HECW1: variants seen among roughly 807,000 people sequenced by gnomAD.
HECW1 encodes the protein E3 ubiquitin-protein ligase HECW1.
Under a neutral mutation model 182.3 loss-of-function variants are expected in HECW1, and 61 were observed. The ratio of observed to expected loss-of-function variants is 0.33; its 90% confidence interval spans 0.27 to 0.41. The LOEUF is 0.41. HECW1 is among the 10% of genes least tolerant of loss of function. The pLI, the probability that HECW1 is intolerant of heterozygous loss-of-function variation, is 1.00. For missense variants in HECW1, 1,739 were observed against 2,108.9 expected, an observed-to-expected ratio of 0.82 and a Z score of 3.44; for synonymous variants, 859 against 832.6, an observed-to-expected ratio of 1.03 and a Z score of -0.55.
chr7:43,113,804 C>T (rs1784833072), intron 1 of HECW1: 2 of 231,222 alleles, frequency 8.6e-6, no homozygotes, highest in Admixed American at 1.1e-4. Flanking sequence ...GGCTCCAGGG[C>T]ATTCTGATTG....
chr7:43,527,481 G>A (rs1010894028), intron 24 of HECW1, among the ~76,000 whole-genome samples: 3 of 152,040 alleles, frequency 2.0e-5, no homozygotes, highest in East Asian at 1.9e-4. Flanking sequence ...CCTTCTCATC[G>A]GTTCCTGTGT....
chr7:43,302,916 A>C (rs1807022366), intron 3 of HECW1, among the ~76,000 whole-genome samples: 1 of 150,950 alleles, frequency 6.6e-6, no homozygotes, highest in African/African-American at 2.4e-5. Context: ...TCTTACACAC[A>C]CACCACACAC....
intron 3 of HECW1, among the ~76,000 whole-genome samples, chr7:43,284,147 G>A (rs1225257071): frequency 1.3e-5 from 2 of 152,202 alleles, no homozygotes; most frequent in Non-Finnish European, 2.9e-5. Flanking sequence ...TCTGCAGGCT[G>A]CCTAGTGACA....
chr7:43,273,857 CTT>C (rs60032315), intron 3 of HECW1, among the ~76,000 whole-genome samples: 19 of 141,340 alleles, frequency 1.3e-4, no homozygotes, highest in South Asian at 2.2e-4. Context: ...AAATATGATT[CTT>C]TTTTTTTTTT....
intron 7 of HECW1, among the ~76,000 whole-genome samples, chr7:43,401,900 C>T (rs1681327588): frequency 6.6e-6 from 1 of 151,692 alleles, no homozygotes; most frequent in African/African-American, 2.4e-5. Flanking sequence ...ATCCCAGGCT[C>T]CACAAGCAGA....
intron 16 of HECW1, among the ~76,000 whole-genome samples, chr7:43,470,987 C>T (rs764668709): frequency 1.4e-4 from 21 of 152,302 alleles, no homozygotes; most frequent in Non-Finnish European, 2.8e-4. Flanking sequence ...GCAAGTCACT[C>T]CACATTTCTG....
chr7:43,294,402 T>C lies in HECW1; in HGVS notation c.28-17361T>C, dbSNP rs962021044. Among the ~76,000 whole-genome samples the C allele has an allele frequency of 3.9e-5, 6 of 152,056 alleles. 1 individual carries two copies. Among genetic ancestry groups the C allele is most frequent in the Admixed American group, 3.3e-4 (5 of 15,266 alleles). ...GGGAGGATGAGAGAGGGAGGGTGTT[T>C]CTAAGATAGCATTTTCTTGGCAGAG... is the stretch of plus-strand genomic sequence containing the variant. On this transcript the variant is annotated intron_variant, in intron 3 of 29. Coordinates refer to ENST00000395891, the MANE Select transcript of HECW1 (RefSeq NM_015052.5).
intron 8 of HECW1, among the ~76,000 whole-genome samples, chr7:43,429,508 C>T (rs1400229379): frequency 6.6e-6 from 1 of 151,586 alleles, no homozygotes; most frequent in Non-Finnish European, 1.5e-5. Context: ...ACATTGCTAG[C>T]GAGAAGGGGG....
In HECW1 at chr7:43,444,118, G is replaced by A; in HGVS notation, c.1046-100G>A. The stretch of plus-strand genomic sequence containing the variant: ...ATCAACCTACATTCAATATCCTAAT[G>A]TAGAAATCCCTTAGTGATGGCTTAC... On this transcript the variant is annotated intron_variant, in intron 10 of 29. Coordinates refer to ENST00000395891, the MANE Select transcript of HECW1 (RefSeq NM_015052.5). The surrounding 1 kb of genome is among the most constrained non-coding windows in gnomAD (Gnocchi z 4.3). 1 of 1,222,158 alleles carries A rather than the reference G, an allele frequency of 8.2e-7. No individual in the cohort carries two copies. Among genetic ancestry groups the A allele is most frequent in the Non-Finnish European group, 1.1e-6 (1 of 880,864 alleles). 75.7% of individuals were successfully genotyped at this position (1,222,158 alleles called of 1,614,324 possible). A position where few individuals can be genotyped will look rare whatever the true frequency, so the allele number is the denominator to read the frequency against.
At chr7:43,271,608 A>T (rs911764776) in intron 3 of HECW1, among the ~76,000 whole-genome samples, 2 of 152,198 alleles carry the variant, frequency 1.3e-5, no homozygotes, top group African/African-American at 4.8e-5. Flanking sequence ...ACAATAGATT[A>T]AAAAATTGAG....
intron 11 of HECW1, among the ~76,000 whole-genome samples, chr7:43,450,521 T>C (rs1432524025): frequency 6.6e-6 from 1 of 152,210 alleles, no homozygotes; most frequent in Non-Finnish European, 1.5e-5. Flanking sequence ...TTTTCTCTTG[T>C]GTTCCTTTCT....
chr7:43,452,303 C>T (rs548493422), intron 12 of HECW1, among the ~76,000 whole-genome samples: 11 of 152,310 alleles, frequency 7.2e-5, no homozygotes, highest in East Asian at 1.9e-4. Flanking sequence ...GAATCTACTT[C>T]GAATCTGTGC....
intron 6 of HECW1, chr7:43,396,537 A>G (rs903281174): frequency 3.4e-5 from 11 of 325,522 alleles, no homozygotes; most frequent in South Asian, 2.2e-4. Context: ...CATGGTTTGC[A>G]TAAGTAGTTA....
chr7:43,264,665 G>GA (rs770144807), intron 3 of HECW1, among the ~76,000 whole-genome samples: 38 of 152,000 alleles, frequency 2.5e-4, no homozygotes, highest in African/African-American at 2.7e-4. Context: ...CTAACACAGT[G>GA]AACCCCGTCT....
At chr7:43,364,226 T>C (rs368613090) in intron 6 of HECW1, among the ~76,000 whole-genome samples, 1 of 152,210 alleles carries the variant, frequency 6.6e-6, no homozygotes, top group Non-Finnish European at 1.5e-5. Flanking sequence ...TTTCTGAGCA[T>C]TGTATGGTCT....
chr7:43,465,879 G>A (rs541305066), intron 14 of HECW1, among the ~76,000 whole-genome samples: 32 of 150,348 alleles, frequency 2.1e-4, no homozygotes, highest in African/African-American at 7.2e-4. Flanking sequence ...GGATGACAGA[G>A]CGAGACGCTG....
intron 2 of HECW1, among the ~76,000 whole-genome samples, chr7:43,227,236 T>A (rs1055351575): frequency 1.1e-4 from 16 of 152,166 alleles, no homozygotes; most frequent in Admixed American, 3.3e-4. Flanking sequence ...ACTGAAATAA[T>A]ATGTGAAGCA....
intron 2 of HECW1, among the ~76,000 whole-genome samples, chr7:43,125,071 T>C (rs1236394513): frequency 1.3e-5 from 2 of 152,166 alleles, no homozygotes; most frequent in Admixed American, 1.3e-4. Context: ...AGCCCCCTTC[T>C]GGGTTGCAGG....
chr7:43,545,313 A>G (rs1204627380), intron 26 of HECW1, among the ~76,000 whole-genome samples: 2 of 152,236 alleles, frequency 1.3e-5, no homozygotes, highest in Non-Finnish European at 2.9e-5. Flanking sequence ...GTCAACTACA[A>G]ATAACTGAAT....
Sources: allele counts gnomAD v4.1 joint callset (sites outside exome capture counted in the v4.1 genomes callset), GRCh38; gene constraint gnomAD v4.1.1; non-coding constraint Gnocchi (gnomAD v3.1); transcripts MANE v1.5; gene names NCBI Gene and HGNC (gene_info 2026-07-23, HGNC 2026-07-21).